Variants in ALS2 observed in about 807,000 individuals in gnomAD.
ALS2 encodes alsin.
ALS2 carries 117 observed loss-of-function variants against 203.4 expected under a neutral mutation model. That is an observed-to-expected ratio of 0.58 (90% CI 0.50 to 0.67). ALS2 has a LOEUF of 0.67. Among genes scored for constraint, ALS2 ranks in the 30% least tolerant of loss-of-function variants. The probability of loss-of-function intolerance (pLI) is 0.00; values close to 1 mark genes in which losing one functional copy is unlikely to be tolerated. For missense variants in ALS2, 1,715 were observed against 1,989.4 expected, an observed-to-expected ratio of 0.86 and a Z score of 2.62; for synonymous variants, 718 against 725.9, an observed-to-expected ratio of 0.99 and a Z score of 0.17.
rs182254452 is a variant in ALS2, at chr2:201,760,295, A to G, written c.1113+586T>C. 105 of 963,562 alleles carry G rather than the reference A, an allele frequency of 1.1e-4. No individual in the cohort carries two copies. In the East Asian group the frequency reaches 9.9e-3, roughly 91 times the overall value. 59.7% of individuals were successfully genotyped at this position (963,562 alleles called of 1,614,324 possible). On this transcript the variant is annotated intron_variant, in intron 4 of 33. Coordinates refer to ENST00000264276, the MANE Select transcript of ALS2 (RefSeq NM_020919.4). ...TACTGCACTCCAGCCTGGGTGACAG[A>G]GCAAGACCCCATCTCAAAAACAAAC...
chr2:201,718,066 T>TA lies in ALS2; in HGVS notation c.3836+10dup. 6.2e-7 allele frequency: 1 copy of TA among 1,612,476 alleles called. No homozygotes were observed. Among genetic ancestry groups the TA allele is most frequent in the Non-Finnish European group, 8.5e-7 (1 of 1,178,682 alleles). On this transcript the variant is annotated intron_variant, in intron 24 of 33. Transcript: ENST00000264276. ...TCAATAATTAATCCAGAATTAACAC[T>TA]AGTTACTCACAAAACTTTAGGTCTG...
At chr2:201,704,664 G>C (rs192324626) in intron 31 of ALS2, 61 bp from the exon 32 acceptor site, 1 of 1,590,698 alleles carries the variant, frequency 6.3e-7, no homozygotes, top group East Asian at 2.2e-5. Flanking sequence ...CCATTTGATC[G>C]TGCTTTTTTG....
At chr2:201,705,811 C>T (rs1297615630) in intron 29 of ALS2, among the ~76,000 whole-genome samples, 2 of 151,938 alleles carry the variant, frequency 1.3e-5, no homozygotes, top group South Asian at 2.1e-4. Context: ...TAGCTGGGTG[C>T]GTTGACACAG....
chr2:201,779,016 C>G (rs1391929533), intron 1 of ALS2, among the ~76,000 whole-genome samples: 1 of 152,134 alleles, frequency 6.6e-6, no homozygotes, highest in Non-Finnish European at 1.5e-5. Context: ...CCAGCAGCTA[C>G]TGCTTTAAAC....
Position 201,733,408 on chromosome 2 carries a change from C to G in ALS2, c.2448G>C (p.Leu816Phe). ...CGTCATTCACTTCTGACAAATCTTG[C>G]AACAGCTCTTGGTTTTTATTTAGGA... is the stretch of plus-strand genomic sequence containing the variant. Reference protein sequence around the residue: ...IDFLNKNQELLQDLSEVNDEN... With the variant: ...IDFLNKNQELFQDLSEVNDEN... Residue 816 changes from leucine to phenylalanine, a missense_variant, in exon 13 of 34, where the codon TTG (leucine) becomes TTC (phenylalanine). Physicochemically the swap from Leu to Phe is conservative, Grantham distance 22. Transcript: ENST00000264276. 1.2e-6 allele frequency: 2 copies of G among 1,613,570 alleles called. No individual in the cohort carries two copies. Among genetic ancestry groups the G allele is most frequent in the Non-Finnish European group, 1.7e-6 (2 of 1,179,812 alleles).
intron 11 of ALS2, 46 bp from the exon 12 acceptor site, chr2:201,738,781 T>G: frequency 6.7e-7 from 1 of 1,492,004 alleles, no homozygotes; most frequent in Non-Finnish European, 9.3e-7. Flanking sequence ...AAATGTAAAT[T>G]AGTTCTTCAG....
rs770415987 is a variant in ALS2, at chr2:201,711,160, T to TA, written c.4005-53dup. The TA allele has an allele frequency of 8.3e-6, 9 of 1,088,552 alleles. No homozygotes were observed. The South Asian group carries it at 1.1e-4, about 14-fold the overall frequency. 67.4% of individuals were successfully genotyped at this position (1,088,552 alleles called of 1,614,324 possible). On this transcript the variant is annotated intron_variant, in intron 25 of 33. Coordinates refer to ENST00000264276, the MANE Select transcript of ALS2 (RefSeq NM_020919.4). ...TGTATTTCACATCAAGAAAGCAAGA[T>TA]ACGTGTAAATACTCACATGAAACAC...
chr2:201,727,329 C>T (rs757117059), intron 16 of ALS2, 51 bp from the exon 17 acceptor site: 11 of 1,378,454 alleles, frequency 8.0e-6, no homozygotes, highest in Non-Finnish European at 1.1e-5. Flanking sequence ...CCTGTCATTA[C>T]AGTATCGATC....
intron 13 of ALS2, among the ~76,000 whole-genome samples, chr2:201,729,696 C>T (rs938883435): frequency 2.0e-5 from 3 of 151,822 alleles, no homozygotes; most frequent in Admixed American, 6.6e-5. Flanking sequence ...CTGGCTAACA[C>T]GGTAAAACCC....
rs1483886165 is a variant in ALS2 at position 201,733,419 on chromosome 2, G to A, written c.2437C>T (p.Gln813Ter). ...TCTGACAAATCTTGCAACAGCTCTT[G>A]GTTTTTATTTAGGAAATCACTAGAG... Reference protein sequence around the residue: ...KPAIDFLNKNQELLQDLSEVN... With the variant: ...KPAIDFLNKN Residue 813 changes from glutamine (Q) to a stop codon, truncating the protein, a stop_gained, in exon 13 of 34, where the codon CAA becomes TAA. Transcript: ENST00000264276. LOFTEE classifies it high-confidence loss of function. 6 of 1,613,044 alleles carry A rather than the reference G, an allele frequency of 3.7e-6. No individual in the cohort carries two copies. Among genetic ancestry groups the A allele is most frequent in the Non-Finnish European group, 4.2e-6 (5 of 1,179,694 alleles).
chr2:201,715,036 G>A (rs1690278146), intron 25 of ALS2, among the ~76,000 whole-genome samples: 1 of 152,140 alleles, frequency 6.6e-6, no homozygotes, highest in African/African-American at 2.4e-5. Context: ...AATGCAATGG[G>A]GTTGGGGCTT....
intron 25 of ALS2, among the ~76,000 whole-genome samples, chr2:201,711,561 A>AG (rs58819870): frequency 0.18 from 26,774 of 152,126 alleles, 2,639 homozygotes; most frequent in East Asian, 0.39. Context: ...AATAAGTCAA[A>AG]GGGCAAAGGA....
At position 201,700,861 on chromosome 2, in the gene ALS2, G is replaced by T. The variant is rs1161980101; in HGVS notation, c.*990C>A. 6.6e-6 allele frequency: 1 copy of T among 152,328 alleles called. No individual in the cohort carries two copies. Among genetic ancestry groups the T allele is most frequent in the African/African-American group, 2.4e-5 (1 of 41,440 alleles). 9.4% of individuals were successfully genotyped at this position (152,328 alleles called of 1,614,324 possible). A position where few individuals can be genotyped will look rare whatever the true frequency, so the allele number is the denominator to read the frequency against. The stretch of plus-strand genomic sequence containing the variant: ...AAAAAGCAAAACACTGAAATGTTGA[G>T]GTGCCACAATACTTTTGAGATGGAA... On this transcript the variant is annotated 3_prime_UTR_variant, in exon 34 of 34. Coordinates refer to ENST00000264276, the MANE Select transcript of ALS2 (RefSeq NM_020919.4).
rs145616034 is a variant in ALS2 at position 201,773,341 on chromosome 2, C to T, written c.-60-4396G>A. Among the ~76,000 whole-genome samples the T allele has an allele frequency of 2.2e-4, 34 of 152,208 alleles. 2 individuals carry two copies. In the East Asian group the frequency reaches 6.4e-3, roughly 29 times the overall value. Reference sequence around the variant, plus strand: ...GTTCTTAAGTTTCATACAATGCTGCCAATTTGGTGAAGAAGAGGTGAATAA... The same window carrying T: ...GTTCTTAAGTTTCATACAATGCTGCTAATTTGGTGAAGAAGAGGTGAATAA... On this transcript the variant is annotated intron_variant, in intron 1 of 33. Coordinates refer to ENST00000264276, the MANE Select transcript of ALS2 (RefSeq NM_020919.4).
intron 27 of ALS2, among the ~76,000 whole-genome samples, chr2:201,709,413 C>T (rs545549221): frequency 6.6e-6 from 1 of 152,180 alleles, no homozygotes; most frequent in African/African-American, 2.4e-5. Context: ...CTGATAAATC[C>T]CTTGAGAGCC....
intron 24 of ALS2, among the ~76,000 whole-genome samples, chr2:201,716,144 A>T (rs535552297): frequency 1.3e-5 from 2 of 152,028 alleles, no homozygotes; most frequent in Admixed American, 1.3e-4. Context: ...GTGGTGGCTC[A>T]TGTCTGTAAT....
intron 25 of ALS2, 142 bp downstream of exon 25, chr2:201,715,530 A>T: frequency 1.1e-6 from 1 of 927,044 alleles, no homozygotes; most frequent in Non-Finnish European, 1.7e-6. Context: ...AAGATAAAGA[A>T]AGTGTGTTTT....
intron 1 of ALS2, among the ~76,000 whole-genome samples, chr2:201,770,082 T>C (rs1028877204): frequency 1.3e-5 from 2 of 152,260 alleles, no homozygotes; most frequent in Non-Finnish European, 2.9e-5. Flanking sequence ...GCTTTGTCCA[T>C]GATAGTAATT....
chr2:201,758,915 T>A (rs1025406087), intron 4 of ALS2, among the ~76,000 whole-genome samples: 6 of 152,136 alleles, frequency 3.9e-5, no homozygotes, highest in African/African-American at 1.4e-4. Flanking sequence ...AAGAGCTATT[T>A]CCATGCAAAT....
Sources: gnomAD v4.1 joint callset for allele counts (sites outside exome capture counted in the v4.1 genomes callset) on GRCh38, gnomAD v4.1.1 for gene constraint, MANE v1.5 for transcripts, NCBI Gene and HGNC (gene_info 2026-07-23, HGNC 2026-07-21) for gene names.